The following RUFY3 variants were observed in gnomAD, a reference collection of about 807,000 sequenced individuals.
The protein encoded by RUFY3 is protein RUFY3.
A neutral mutation model predicts 84.0 loss-of-function variants in RUFY3; 34 were observed. The observed-to-expected ratio is 0.40, with a 90% CI of 0.31 to 0.54. RUFY3 has a LOEUF of 0.54. RUFY3 is among the 20% of genes least tolerant of loss of function. The probability of loss-of-function intolerance (pLI) is 0.39; values close to 1 mark genes in which losing one functional copy is unlikely to be tolerated. For synonymous variants in RUFY3, 242 were observed against 252.9 expected (o/e 0.96, Z 0.41); for missense variants, 507 against 736.8 (o/e 0.69, Z 3.61).
intron 7 of RUFY3, among the ~76,000 whole-genome samples, chr4:70,777,891 T>C (rs1728231751): frequency 6.6e-6 from 1 of 152,206 alleles, no homozygotes; most frequent in Non-Finnish European, 1.5e-5. Context: ...GAATTAAAAC[T>C]CAAATGCCAA....
At chr4:70,763,748 T>G in intron 3 of RUFY3, 79 bp downstream of exon 3, 1 of 1,503,718 alleles carries the variant, frequency 6.7e-7, no homozygotes, top group South Asian at 1.3e-5. Context: ...CTAAAGACAA[T>G]TATGTACGAA....
In RUFY3 at chr4:70,791,223, A is replaced by G. The variant is rs751863771; in HGVS notation, c.1337+1631A>G. 6.2e-7 allele frequency: 1 copy of G among 1,610,156 alleles called. No individual in the cohort carries two copies. The highest frequency in any genetic ancestry group is 8.5e-7 in the Non-Finnish European group (1 of 1,177,544). ...CTTCATTGTCATTTTTATTTTATTT[A>G]GTGAAAAGGATTTGGTGAAACAGGC... On this transcript the variant is annotated intron_variant, in intron 12 of 17. Transcript: ENST00000381006.
Position 70,782,340 on chromosome 4 carries a change from G to A in RUFY3, c.895-751G>A, listed in dbSNP as rs112767898. ...AGTTTCACTCTCACCAGGCTGGAGT[G>A]CAGTGGCGCGATCTTGATCTCGGGT... On this transcript the variant is annotated intron_variant, in intron 8 of 17. Coordinates refer to ENST00000381006, the MANE Select transcript of RUFY3 (RefSeq NM_001037442.4). Among the ~76,000 whole-genome samples, 750 of 147,280 alleles carry A rather than the reference G, an allele frequency of 5.1e-3. 12 individuals carry two copies. The highest frequency in any genetic ancestry group is 0.018 in the African/African-American group (726 of 39,746).
chr4:70,714,900 C>T (rs1300585527), intron 1 of RUFY3, among the ~76,000 whole-genome samples: 1 of 152,126 alleles, frequency 6.6e-6, no homozygotes, highest in East Asian at 1.9e-4. Context: ...GCCATGAAAT[C>T]AGTTTTACTT....
At chr4:70,734,467 T>TA in intron 1 of RUFY3, 1 of 983,822 alleles carries the variant, frequency 1.0e-6, no homozygotes, top group Non-Finnish European at 1.2e-6. Flanking sequence ...TCAGTGAACT[T>TA]CTCAAAGTGA....
chr4:70,792,406 G>A, intron 12 of RUFY3: 1 of 977,940 alleles, frequency 1.0e-6, no homozygotes, highest in Non-Finnish European at 1.2e-6. Context: ...TAGATTCCCA[G>A]TAGATATCCA....
rs1732883072 is a variant in RUFY3, at chr4:70,806,630, A to T, written c.1834A>T (p.Met612Leu). 6.2e-7 allele frequency: 1 copy of T among 1,614,136 alleles called. No homozygotes were observed. The highest frequency in any genetic ancestry group is 1.1e-5 in the South Asian group (1 of 91,074). ...TTGCAATCCCTGTCACAAGCATCTGATGAAGCAATATTCTACCAGCCCATC... is the reference window on the plus strand; with the variant it reads ...TTGCAATCCCTGTCACAAGCATCTGTTGAAGCAATATTCTACCAGCCCATC... ...RVCNPCHKHL[M>L]KQYSTSPS Residue 612 changes from methionine to leucine, a missense_variant, in exon 18 of 18, where the codon ATG (methionine) becomes TTG (leucine). By Grantham distance (15) the Met-to-Leu change is conservative. This residue lies in a region of RUFY3 where 334 missense variants were observed against 364.1 expected (regional missense o/e 0.92). Coordinates refer to ENST00000381006, the MANE Select transcript of RUFY3 (RefSeq NM_001037442.4).
intron 10 of RUFY3, among the ~76,000 whole-genome samples, chr4:70,787,503 C>T (rs899828721): frequency 2.0e-5 from 3 of 151,662 alleles, no homozygotes; most frequent in East Asian, 3.9e-4. Flanking sequence ...AATTGTGATC[C>T]GCCTGCCTCA....
intron 1 of RUFY3, among the ~76,000 whole-genome samples, chr4:70,755,996 C>T (rs1195934311): frequency 1.3e-5 from 2 of 151,634 alleles, no homozygotes. Context: ...GAGAACCAGT[C>T]AACATAATGT....
chr4:70,747,090 C>CA, intron 1 of RUFY3, among the ~76,000 whole-genome samples: 1 of 152,198 alleles, frequency 6.6e-6, no homozygotes, highest in Non-Finnish European at 1.5e-5. Context: ...TTATTTCTTA[C>CA]AATTTCATGT....
At chr4:70,746,275 C>T (rs568192722) in intron 1 of RUFY3, among the ~76,000 whole-genome samples, 54 of 150,924 alleles carry the variant, frequency 3.6e-4, no homozygotes, top group African/African-American at 1.2e-3. Flanking sequence ...GCCCGGGAGG[C>T]GGAGGTTGCA....
rs181290714 is a variant in RUFY3 at position 70,807,002 on chromosome 4, A to G, written c.*343A>G. ...AATAGGAGAGAGAATCCAGGCAGAT[A>G]AGAATAAAAAGGAAAATGATCATCT... On this transcript the variant is annotated 3_prime_UTR_variant, in exon 18 of 18. Coordinates refer to ENST00000381006, the MANE Select transcript of RUFY3 (RefSeq NM_001037442.4). The G allele has an allele frequency of 1.1e-4, 18 of 169,918 alleles. No individual in the cohort carries two copies. Among genetic ancestry groups the G allele is most frequent in the Admixed American group, 5.6e-4 (9 of 16,154 alleles). 10.5% of individuals were successfully genotyped at this position (169,918 alleles called of 1,614,324 possible).
intron 1 of RUFY3, among the ~76,000 whole-genome samples, chr4:70,739,603 T>C (rs774383026): frequency 2.6e-5 from 4 of 151,976 alleles, no homozygotes; most frequent in Non-Finnish European, 4.4e-5. Context: ...TTGTAAAATC[T>C]GTCACTTGGT....
chr4:70,722,155 A>C lies in RUFY3; in HGVS notation c.-419A>C. The C allele has an allele frequency of 1.6e-6, 2 of 1,231,148 alleles. No individual in the cohort carries two copies. Among genetic ancestry groups the C allele is most frequent in the Non-Finnish European group, 2.0e-6 (2 of 987,730 alleles). The allele number at this position is 1,231,148 out of a possible 1,614,324, so 76.3% of individuals were successfully genotyped here. A position where few individuals can be genotyped will look rare whatever the true frequency, so the allele number is the denominator to read the frequency against. The stretch of plus-strand genomic sequence containing the variant: ...TTTTTCTTTTATATTTTTTTTCTGC[A>C]CAAAGGAGGAGGATTTTTCACTTAC... On this transcript the variant is annotated 5_prime_UTR_variant, in exon 1 of 18. Coordinates refer to ENST00000381006, the MANE Select transcript of RUFY3 (RefSeq NM_001037442.4).
At chr4:70,773,991 C>A (rs997052213) in intron 6 of RUFY3, among the ~76,000 whole-genome samples, 2 of 152,196 alleles carry the variant, frequency 1.3e-5, no homozygotes, top group African/African-American at 4.8e-5. Context: ...TACATGGGAA[C>A]TCTGTGCTGC....
chr4:70,797,928 G>A (rs1195701641), intron 14 of RUFY3, among the ~76,000 whole-genome samples: 2 of 152,126 alleles, frequency 1.3e-5, no homozygotes, highest in Non-Finnish European at 2.9e-5. Flanking sequence ...AAATCTAAAA[G>A]GCTTACAAAA....
At chr4:70,749,413 A>G (rs150718802) in intron 1 of RUFY3, among the ~76,000 whole-genome samples, 6 of 152,150 alleles carry the variant, frequency 3.9e-5, no homozygotes, top group African/African-American at 1.4e-4. Context: ...TTTTTAATCT[A>G]TTAAAGATTA....
chr4:70,714,936 T>C (rs1741397298), intron 1 of RUFY3, among the ~76,000 whole-genome samples: 1 of 152,222 alleles, frequency 6.6e-6, no homozygotes, highest in South Asian at 2.1e-4. Flanking sequence ...ATTTTTAATC[T>C]TATGCTGGTT....
intron 8 of RUFY3, among the ~76,000 whole-genome samples, chr4:70,779,178 C>G (rs746164904): frequency 1.3e-4 from 20 of 152,170 alleles, no homozygotes; most frequent in Non-Finnish European, 2.6e-4. Flanking sequence ...TGTTTTCTTC[C>G]TGGGACAGTT....
Sources: gnomAD v4.1 joint callset for allele counts (sites outside exome capture counted in the v4.1 genomes callset) on GRCh38, gnomAD v4.1.1 for gene constraint, gnomAD v4.1.1 regional missense constraint, MANE v1.5 for transcripts, NCBI Gene and HGNC (gene_info 2026-07-23, HGNC 2026-07-21) for gene names.